Variants in GOLGA3 observed in about 807,000 individuals in gnomAD.
The protein encoded by GOLGA3 is golgin A3.
In GOLGA3, 75 loss-of-function variants were observed where a neutral mutation model predicts 169.4. The observed-to-expected ratio is 0.44, with a 90% confidence interval of 0.37 to 0.54. The LOEUF (loss-of-function observed/expected upper bound fraction) is 0.54. Ranked by LOEUF, GOLGA3 falls within the 20% of genes least tolerant of loss-of-function variation. The pLI is 0.00. For synonymous variants in GOLGA3, 824 were observed against 822.4 expected (o/e 1.00, Z -0.03); for missense variants, 1,899 against 1,930.0 (o/e 0.98, Z 0.30).
At position 132,795,879 on chromosome 12, in the gene GOLGA3, T is replaced by C. The variant is rs1347874913; in HGVS notation, c.2442A>G (p.Arg814=). The C allele has an allele frequency of 3.7e-6, 6 of 1,613,640 alleles. No homozygotes were observed. The highest frequency in any genetic ancestry group is 5.1e-6 in the Non-Finnish European group (6 of 1,179,592). The change falls in exon 11 of 24, where the codon AGA becomes AGG. Residue 814 remains arginine, a synonymous_variant. Transcript: ENST00000450791. ...GGCCGGATTTGATAGCTAATTCTTCTCTTAACTTCTCTAAAGTTTCCGACG... is the reference window on the plus strand; with the variant it reads ...GGCCGGATTTGATAGCTAATTCTTCCCTTAACTTCTCTAAAGTTTCCGACG... ...EETSETLEKL[R]EELAIKSGQV... is the part of the protein sequence containing the mutation.
At chr12:132,816,240 G>T (rs1191821381) in intron 3 of GOLGA3, among the ~76,000 whole-genome samples, 3 of 152,188 alleles carry the variant, frequency 2.0e-5, no homozygotes, top group Non-Finnish European at 4.4e-5. Flanking sequence ...CAACAGACTG[G>T]ATGCCCACCG....
rs567812078 is a variant in GOLGA3 at position 132,802,195 on chromosome 12, C to G, written c.1598-226G>C. ...TGCAGGGTGAGGTTCCTGCAGGCCT[C>G]TGCTCACAGCACCTTCACCAGCTCA... On this transcript the variant is annotated intron_variant, in intron 7 of 23. Transcript: ENST00000450791. Among the ~76,000 whole-genome samples the G allele has an allele frequency of 2.0e-5, 3 of 152,400 alleles. No homozygotes were observed. The South Asian group carries it at 6.2e-4, about 32-fold the overall frequency.
At position 132,775,208 on chromosome 12, in the gene GOLGA3, T is replaced by C. The variant is rs1456255000; in HGVS notation, c.4076A>G (p.Asn1359Ser). 6.2e-7 allele frequency: 1 copy of C among 1,614,174 alleles called. No homozygotes were observed. The highest frequency in any genetic ancestry group is 2.2e-5 in the East Asian group (1 of 44,886). ...LQAKVSELKNNMKTLLQQNQQ... is the reference protein window; with the variant it reads ...LQAKVSELKNSMKTLLQQNQQ... ...GTTCTGCTGGAGCAGGGTCTTCATGTTGTTCTTCAGCTCCGACACTTTTGC... is the reference window on the plus strand; with the variant it reads ...GTTCTGCTGGAGCAGGGTCTTCATGCTGTTCTTCAGCTCCGACACTTTTGC... The change falls in exon 22 of 24, where the codon AAC becomes AGC. Residue 1359 changes from asparagine to serine, a missense_variant. Physicochemically the swap from Asn to Ser is conservative, Grantham distance 46. Transcript: ENST00000450791.
At chr12:132,795,043 TG>T (rs1474299568) in intron 11 of GOLGA3, among the ~76,000 whole-genome samples, 1 of 151,280 alleles carries the variant, frequency 6.6e-6, no homozygotes, top group Non-Finnish European at 1.5e-5. Flanking sequence ...AAAAATTAGC[TG>T]GGTGTGGTGG....
At chr12:132,785,738 G>A (rs892014997) in intron 15 of GOLGA3, among the ~76,000 whole-genome samples, 3 of 152,224 alleles carry the variant, frequency 2.0e-5, no homozygotes, top group Non-Finnish European at 4.4e-5. Flanking sequence ...GTGCAAGGAC[G>A]TGAATTGGAG....
chr12:132,781,276 A>G (rs2045592279), intron 17 of GOLGA3, among the ~76,000 whole-genome samples: 1 of 152,028 alleles, frequency 6.6e-6, no homozygotes, highest in Non-Finnish European at 1.5e-5. Flanking sequence ...AAAAAAAAAG[A>G]ATGGGCCGGG....
At chr12:132,805,893 G>C (rs146873746) in intron 6 of GOLGA3, among the ~76,000 whole-genome samples, 1 of 152,114 alleles carries the variant, frequency 6.6e-6, no homozygotes, top group Admixed American at 6.6e-5. Context: ...GATTAAAAGC[G>C]GATTCAGATC....
intron 9 of GOLGA3, 132 bp from the exon 10 acceptor site, chr12:132,796,832 A>G: frequency 1.1e-6 from 1 of 921,850 alleles, no homozygotes; most frequent in Non-Finnish European, 1.6e-6. Context: ...CTGTCTACCG[A>G]CTGCAGACTG....
At chr12:132,805,584 C>A (rs1473099509) in intron 6 of GOLGA3, among the ~76,000 whole-genome samples, 1 of 127,706 alleles carries the variant, frequency 7.8e-6, no homozygotes, top group Non-Finnish European at 1.7e-5. Context: ...TGACAGGGGA[C>A]CCCGAGACCC....
intron 23 of GOLGA3, 98 bp downstream of exon 23, chr12:132,774,059 C>T (rs2045071750): frequency 8.6e-7 from 1 of 1,163,342 alleles, no homozygotes; most frequent in African/African-American, 1.5e-5. Context: ...TGCTGAAACT[C>T]TGCTGGGCAC....
chr12:132,775,369 GT>G (rs1193403399), intron 21 of GOLGA3, 64 bp from the exon 22 acceptor site: 1 of 1,438,088 alleles, frequency 7.0e-7, no homozygotes, highest in Admixed American at 1.9e-5. Context: ...CAAGATCCGA[GT>G]TTGTATTTTC....
At chr12:132,827,324 G>A (rs1404605603) in intron 1 of GOLGA3, among the ~76,000 whole-genome samples, 1 of 152,206 alleles carries the variant, frequency 6.6e-6, no homozygotes, top group Non-Finnish European at 1.5e-5. Context: ...TCATGTCACT[G>A]CAGAGACGTG....
intron 18 of GOLGA3, among the ~76,000 whole-genome samples, chr12:132,780,041 AC>A (rs574806334): frequency 3.6e-4 from 40 of 109,930 alleles, no homozygotes; most frequent in African/African-American, 1.1e-3. Flanking sequence ...TTGCACGGAC[AC>A]CCCCCCGCGC....
intron 11 of GOLGA3, among the ~76,000 whole-genome samples, chr12:132,795,436 G>A (rs1948784264): frequency 6.6e-6 from 1 of 152,178 alleles, no homozygotes; most frequent in Non-Finnish European, 1.5e-5. Context: ...AGACTAGCCT[G>A]GCCAACATGG....
chr12:132,779,749 ACAC>A (rs2045452191), intron 18 of GOLGA3, among the ~76,000 whole-genome samples: 2 of 138,082 alleles, frequency 1.4e-5, no homozygotes, highest in African/African-American at 5.3e-5. Flanking sequence ...GTGCGCACAC[ACAC>A]CACAGCCCTT....
intron 16 of GOLGA3, among the ~76,000 whole-genome samples, chr12:132,783,641 C>T (rs552238975): frequency 3.3e-5 from 5 of 152,298 alleles, no homozygotes; most frequent in East Asian, 3.9e-4. Flanking sequence ...TGCAGTGGCG[C>T]GATCTTGGCT....
chr12:132,781,846 C>T (rs1334403225), intron 17 of GOLGA3, among the ~76,000 whole-genome samples: 1 of 152,100 alleles, frequency 6.6e-6, no homozygotes, highest in African/African-American at 2.4e-5. Context: ...TTAAGTGCCC[C>T]CTACAAACAA....
intron 1 of GOLGA3, among the ~76,000 whole-genome samples, chr12:132,823,042 T>C (rs1950281109): frequency 2.0e-5 from 3 of 152,168 alleles, no homozygotes; most frequent in Admixed American, 2.0e-4. Context: ...ACAACTCAGA[T>C]CCAGAGAAAC....
intron 2 of GOLGA3, among the ~76,000 whole-genome samples, chr12:132,818,264 C>T (rs1281718867): frequency 2.6e-5 from 4 of 152,144 alleles, no homozygotes; most frequent in African/African-American, 9.7e-5. Context: ...GTAACATTTC[C>T]TCTTCTCTTT....
Sources: gnomAD v4.1 joint callset for allele counts (sites outside exome capture counted in the v4.1 genomes callset) on GRCh38, gnomAD v4.1.1 for gene constraint, MANE v1.5 for transcripts, NCBI Gene and HGNC (gene_info 2026-07-23, HGNC 2026-07-21) for gene names.